TBC1D19: variants seen among roughly 807,000 people sequenced by gnomAD.
The protein encoded by TBC1D19 is TBC1 domain family member 19.
Under a neutral mutation model 89.0 loss-of-function variants are expected in TBC1D19, and 60 were observed. That is an observed-to-expected ratio of 0.67 (90% confidence interval 0.55 to 0.84). TBC1D19 has a LOEUF of 0.84. Among genes scored for constraint, TBC1D19 ranks in the 40% least tolerant of loss-of-function variants. The probability of loss-of-function intolerance (pLI) is 0.00; values close to 1 mark genes in which losing one functional copy is unlikely to be tolerated. For synonymous variants in TBC1D19, 189 were observed against 199.7 expected, an observed-to-expected ratio of 0.95 and a Z score of 0.45; for missense variants, 500 against 610.8, an observed-to-expected ratio of 0.82 and a Z score of 1.91.
At chr4:26,750,098 A>C (rs557409567) in intron 19 of TBC1D19, among the ~76,000 whole-genome samples, 3 of 152,224 alleles carry the variant, frequency 2.0e-5, no homozygotes, top group African/African-American at 4.8e-5. Flanking sequence ...GGCCCATTTC[A>C]TTTCTGGATA....
downstream of TBC1D19, among the ~76,000 whole-genome samples, chr4:26,756,920 C>A (rs1482172514): frequency 6.6e-6 from 1 of 152,154 alleles, no homozygotes; most frequent in Non-Finnish European, 1.5e-5. Flanking sequence ...TGACAACCAC[C>A]CACTTTGCTG....
intron 5 of TBC1D19, 145 bp from the exon 6 acceptor site, chr4:26,638,626 A>AC (rs1362904258): frequency 1.6e-6 from 1 of 624,648 alleles, no homozygotes; most frequent in Non-Finnish European, 2.8e-6. Context: ...AAATGCAGTT[A>AC]CCCCCCAAAT....
At chr4:26,594,005 A>T (rs1413815344) in intron 1 of TBC1D19, among the ~76,000 whole-genome samples, 1 of 152,214 alleles carries the variant, frequency 6.6e-6, no homozygotes, top group Non-Finnish European at 1.5e-5. Flanking sequence ...TACCCAAAGG[A>T]TTATAAATCA....
intron 7 of TBC1D19, among the ~76,000 whole-genome samples, chr4:26,651,345 T>C (rs1258860795): frequency 1.3e-5 from 2 of 152,228 alleles, no homozygotes; most frequent in African/African-American, 2.4e-5. Flanking sequence ...TTCCTACCCA[T>C]GAGCATGGAA....
chr4:26,642,400 G>C (rs183509054), intron 7 of TBC1D19, among the ~76,000 whole-genome samples: 2 of 152,286 alleles, frequency 1.3e-5, no homozygotes, highest in East Asian at 3.9e-4. Context: ...GTCACCACCA[G>C]GCCTGCCCTA....
the TBC1D19 span, among the ~76,000 whole-genome samples, chr4:26,855,608 A>T: frequency 2.0e-5 from 3 of 151,964 alleles, no homozygotes; most frequent in Admixed American, 6.6e-5. Context: ...TGAAATTTCC[A>T]GTCCCTGGAT....
intron 16 of TBC1D19, among the ~76,000 whole-genome samples, chr4:26,739,134 A>G (rs1227196636): frequency 1.3e-5 from 2 of 152,174 alleles, no homozygotes; most frequent in Non-Finnish European, 2.9e-5. Context: ...AGTGTAGAAT[A>G]ATCACATGCT....
intron 7 of TBC1D19, among the ~76,000 whole-genome samples, chr4:26,657,107 T>C (rs1376308561): frequency 6.6e-6 from 1 of 151,034 alleles, no homozygotes; most frequent in Non-Finnish European, 1.5e-5. Flanking sequence ...TTATTTTACT[T>C]TAAGTTCTGG....
At chr4:26,734,657 T>G (rs1217322403) in intron 15 of TBC1D19, among the ~76,000 whole-genome samples, 1 of 152,160 alleles carries the variant, frequency 6.6e-6, no homozygotes, top group Non-Finnish European at 1.5e-5. Context: ...AATTTTCAGT[T>G]AGTTTACTTA....
chr4:26,651,573 C>G (rs561579002), intron 7 of TBC1D19, among the ~76,000 whole-genome samples: 1 of 152,040 alleles, frequency 6.6e-6, no homozygotes, highest in Non-Finnish European at 1.5e-5. Flanking sequence ...GTATCCTGAG[C>G]CTTTGCTGAA....
intron 1 of TBC1D19, among the ~76,000 whole-genome samples, chr4:26,610,520 G>A (rs1351686244): frequency 1.3e-5 from 2 of 151,194 alleles, no homozygotes; most frequent in African/African-American, 2.4e-5. Flanking sequence ...TGTTTGTCAC[G>A]GGGGTTTGGT....
At chr4:26,679,245 C>T (rs371542147) in intron 11 of TBC1D19, among the ~76,000 whole-genome samples, 42 of 152,218 alleles carry the variant, frequency 2.8e-4, no homozygotes, top group Middle Eastern at 6.8e-3. Context: ...AGCCAAGCCC[C>T]GGGCCCCCCT....
At chr4:26,761,738 C>T in the TBC1D19 span, among the ~76,000 whole-genome samples, 1 of 152,060 alleles carries the variant, frequency 6.6e-6, no homozygotes, top group South Asian at 2.1e-4. Context: ...TGTTGCAGCT[C>T]ACCTAATTTT....
In TBC1D19 at chr4:26,584,158, C is replaced by A; in HGVS notation, c.-36C>A. 6.3e-7 allele frequency: 1 copy of A among 1,596,250 alleles called. No individual in the cohort carries two copies. Among genetic ancestry groups the A allele is most frequent in the Non-Finnish European group, 8.5e-7 (1 of 1,171,674 alleles). ...TAGCCCGTTCGCTCCGCGCCGGCGGCCTGTCCCCGCGGCTTGGCGGGCTAG... is the reference window on the plus strand; with the variant it reads ...TAGCCCGTTCGCTCCGCGCCGGCGGACTGTCCCCGCGGCTTGGCGGGCTAG... On this transcript the variant is annotated 5_prime_UTR_variant, in exon 1 of 21. Coordinates refer to ENST00000264866, the MANE Select transcript of TBC1D19 (RefSeq NM_018317.4).
chr4:26,786,277 A>C, the TBC1D19 span, among the ~76,000 whole-genome samples: 11 of 152,258 alleles, frequency 7.2e-5, no homozygotes, highest in East Asian at 9.7e-4. Context: ...ATGTCGCCAA[A>C]GTGCTGGGCT....
At chr4:26,601,653 T>C (rs1012632246) in intron 1 of TBC1D19, among the ~76,000 whole-genome samples, 3 of 152,182 alleles carry the variant, frequency 2.0e-5, no homozygotes, top group Non-Finnish European at 4.4e-5. Flanking sequence ...TAGAGGGATG[T>C]AAATACTTGA....
chr4:26,671,092 A>G (rs139632172), intron 9 of TBC1D19, among the ~76,000 whole-genome samples: 196 of 151,794 alleles, frequency 1.3e-3, no homozygotes, highest in African/African-American at 4.2e-3. Flanking sequence ...GGATATGCAC[A>G]TATGTTCAGT....
intron 15 of TBC1D19, among the ~76,000 whole-genome samples, chr4:26,732,472 T>C (rs1174027537): frequency 1.3e-5 from 2 of 152,220 alleles, no homozygotes; most frequent in Non-Finnish European, 2.9e-5. Flanking sequence ...AAATGGCAGC[T>C]ACAGTTCTTA....
intron 15 of TBC1D19, among the ~76,000 whole-genome samples, chr4:26,732,091 C>A (rs1004340144): frequency 3.3e-5 from 5 of 152,092 alleles, no homozygotes; most frequent in African/African-American, 1.2e-4. Flanking sequence ...TTCGTAACAT[C>A]CTTGGCTGAA....
Sources: gnomAD v4.1 joint callset for allele counts (sites outside exome capture counted in the v4.1 genomes callset) on GRCh38, gnomAD v4.1.1 for gene constraint, MANE v1.5 for transcripts, NCBI Gene and HGNC (gene_info 2026-07-23, HGNC 2026-07-21) for gene names.